Variants in AK8 observed in about 807,000 individuals in gnomAD.
AK8 encodes the protein adenylate kinase 8.
In AK8, 44 loss-of-function variants were observed where a neutral mutation model predicts 54.6. The ratio of observed to expected loss-of-function variants is 0.81; its 90% confidence interval spans 0.63 to 1.04. The LOEUF is 1.04. Among genes scored for constraint, AK8 ranks in the 50% least tolerant of loss-of-function variants. The pLI is 0.00. For synonymous variants in AK8, 239 were observed against 245.6 expected (o/e 0.97, Z 0.25); for missense variants, 555 against 613.6 (o/e 0.90, Z 1.01).
chr9:132,827,503 C>A lies in AK8; in HGVS notation c.557-449G>T, dbSNP rs146228597. On this transcript the variant is annotated intron_variant, in intron 7 of 12. Coordinates refer to ENST00000298545, the MANE Select transcript of AK8 (RefSeq NM_152572.3). ...CTCTATCTGCCACCACAGCGTGAGG[C>A]CCGGAAGATCAAGGGCAGTCCCGTC... 2.2e-3 allele frequency: 473 copies of A among 218,070 alleles called. 10 individuals carry two copies. The highest frequency in any genetic ancestry group is 4.5e-4 in the Non-Finnish European group (49 of 108,672). 13.5% of individuals were successfully genotyped at this position (218,070 alleles called of 1,614,324 possible).
intron 11 of AK8, among the ~76,000 whole-genome samples, chr9:132,731,844 G>A (rs2130941523): frequency 6.6e-6 from 1 of 152,238 alleles, no homozygotes; most frequent in South Asian, 2.1e-4. Flanking sequence ...AGGCCAGCCT[G>A]GGCAACATTG....
At chr9:132,746,255 T>G (rs1004371514) in intron 11 of AK8, among the ~76,000 whole-genome samples, 1 of 152,062 alleles carries the variant, frequency 6.6e-6, no homozygotes, top group Non-Finnish European at 1.5e-5. Flanking sequence ...CGAAACAAAT[T>G]AGAAGCCCTG....
chr9:132,832,892 G>A (rs1040800909), intron 5 of AK8, among the ~76,000 whole-genome samples: 1 of 152,180 alleles, frequency 6.6e-6, no homozygotes, highest in Non-Finnish European at 1.5e-5. Context: ...AAGGTGGGGG[G>A]CTCTGGAGTG....
intron 11 of AK8, among the ~76,000 whole-genome samples, chr9:132,745,705 T>C (rs1193735206): frequency 3.9e-5 from 6 of 152,162 alleles, no homozygotes; most frequent in Non-Finnish European, 4.4e-5. Flanking sequence ...TCACACCCTG[T>C]GTGCCCTCGA....
intron 11 of AK8, among the ~76,000 whole-genome samples, chr9:132,752,675 AATGGGCCTGGCTGTCCCTGGCCCAGGAC>A (rs67663115): frequency 0.21 from 30,813 of 147,816 alleles, 4,112 homozygotes; most frequent in African/African-American, 0.37. Context: ...GCTCTCCTGG[AATGGGCCTGGCTGTCCCTGGCCCAGGAC>A]ATGGACGCTG....
At chr9:132,838,527 G>A (rs1842415637) in intron 5 of AK8, among the ~76,000 whole-genome samples, 1 of 152,226 alleles carries the variant, frequency 6.6e-6, no homozygotes, top group Non-Finnish European at 1.5e-5. Context: ...CTGCGGACAT[G>A]GTCAAGGTTC....
chr9:132,821,140 C>A lies in AK8; in HGVS notation c.889+2065G>T, dbSNP rs932088099. ...CGCAATTTGAATTAAAAAAAAAAAACCTTTTATTGAATGAGAGTGTCTGCA... is the reference window on the plus strand; with the variant it reads ...CGCAATTTGAATTAAAAAAAAAAAAACTTTTATTGAATGAGAGTGTCTGCA... On this transcript the variant is annotated intron_variant, in intron 9 of 12. Transcript: ENST00000298545. Among the ~76,000 whole-genome samples, 4 of 151,176 alleles carry A rather than the reference C, an allele frequency of 2.6e-5. No individual in the cohort carries two copies. In the South Asian group the frequency reaches 6.3e-4, roughly 24 times the overall value.
At chr9:132,840,491 C>A (rs1319517833) in intron 5 of AK8, among the ~76,000 whole-genome samples, 3 of 151,826 alleles carry the variant, frequency 2.0e-5, no homozygotes, top group African/African-American at 7.3e-5. Context: ...GCAGCTGGCT[C>A]GGAAATTTCA....
intron 9 of AK8, among the ~76,000 whole-genome samples, chr9:132,821,257 C>T (rs1309745496): frequency 2.0e-5 from 3 of 151,882 alleles, no homozygotes; most frequent in African/African-American, 2.4e-5. Context: ...CCCTCCACCG[C>T]GAGTGCCCCT....
At position 132,825,895 on chromosome 9, in the gene AK8, G is replaced by C. The variant is rs1841848329; in HGVS notation, c.757+959C>G. 4.6e-5 allele frequency among the ~76,000 whole-genome samples: 7 copies of C among 152,240 alleles called. No individual in the cohort carries two copies. The South Asian group carries it at 1.4e-3, about 31-fold the overall frequency. On this transcript the variant is annotated intron_variant, in intron 8 of 12. Transcript: ENST00000298545. ...GTAAACGCTTCATTTACCCAACACTGTGTGGAAGGGTAATTTTGAGACGAC... is the reference window on the plus strand; with the variant it reads ...GTAAACGCTTCATTTACCCAACACTCTGTGGAAGGGTAATTTTGAGACGAC...
chr9:132,878,744 A>T, upstream of AK8: 2 of 986,398 alleles, frequency 2.0e-6, no homozygotes, highest in Non-Finnish European at 2.4e-6. This position sits in a 1 kb window ranked among gnomAD's most constrained non-coding sequence, Gnocchi z 4.7. Context: ...GATCGGGTGG[A>T]AATCCTCAGC....
Position 132,854,878 on chromosome 9 carries a change from A to G in AK8, c.381T>C (p.Ala127=), listed in dbSNP as rs767106655. The G allele has an allele frequency of 1.2e-5, 20 of 1,613,812 alleles. No homozygotes were observed. Among genetic ancestry groups the G allele is most frequent in the African/African-American group, 1.3e-5 (1 of 74,836 alleles). Reference sequence around the variant, plus strand: ...TTACCTGCTTGATGCAATCCTCTTCAGCCAGGCGTTCCTGAATCAGCTGGA... The same window carrying G: ...TTACCTGCTTGATGCAATCCTCTTCGGCCAGGCGTTCCTGAATCAGCTGGA... ...LLVQLIQERL[A]EEDCIKQGWI... is the part of the protein sequence containing the mutation. The change falls in exon 5 of 13, where the codon GCT becomes GCC. Residue 127 remains alanine, a synonymous_variant. Transcript: ENST00000298545.
rs1839477942 is a variant in AK8, at chr9:132,781,732, C to T, written c.1121+10902G>A. 6.6e-6 allele frequency among the ~76,000 whole-genome samples: 1 copy of T among 152,092 alleles called. No individual in the cohort carries two copies. The highest frequency in any genetic ancestry group is 1.9e-4 in the East Asian group (1 of 5,192). On this transcript the variant is annotated intron_variant, in intron 11 of 12. Coordinates refer to ENST00000298545, the MANE Select transcript of AK8 (RefSeq NM_152572.3). This position sits in a 1 kb window ranked among gnomAD's most constrained non-coding sequence, Gnocchi z 4.6. ...CTCCTGGTGTCAAAAACAGCAACACCACAGCTAGAGTGTTTTATAATTGGC... is the reference window on the plus strand; with the variant it reads ...CTCCTGGTGTCAAAAACAGCAACACTACAGCTAGAGTGTTTTATAATTGGC...
At chr9:132,823,985 T>A (rs566815456) in intron 8 of AK8, among the ~76,000 whole-genome samples, 2 of 152,354 alleles carry the variant, frequency 1.3e-5, no homozygotes, top group Admixed American at 1.3e-4. Context: ...TGTAGCTGCA[T>A]GGCCCTGGCC....
chr9:132,835,970 A>C (rs1043068886), intron 5 of AK8, among the ~76,000 whole-genome samples: 1 of 152,204 alleles, frequency 6.6e-6, no homozygotes, highest in East Asian at 1.9e-4. Context: ...CTAAAAATAC[A>C]AGATTAGCCA....
chr9:132,757,810 G>C (rs1404643098), intron 11 of AK8, among the ~76,000 whole-genome samples: 1 of 152,104 alleles, frequency 6.6e-6, no homozygotes, highest in South Asian at 2.1e-4. Context: ...AGCCATTCCT[G>C]AAAGAAAACA....
chr9:132,823,108 C>G lies in AK8; in HGVS notation c.889+97G>C, dbSNP rs528074520. ...AGAGAAGTGATACTGACCCTTCCCC[C>G]CCAACACCACCCCCCATAAAATGAG... On this transcript the variant is annotated intron_variant, in intron 9 of 12. Coordinates refer to ENST00000298545, the MANE Select transcript of AK8 (RefSeq NM_152572.3). 214 of 1,461,122 alleles carry G rather than the reference C, an allele frequency of 1.5e-4. 1 individual carries two copies. In the African/African-American group the frequency reaches 2.4e-3, roughly 17 times the overall value. 90.5% of individuals were successfully genotyped at this position (1,461,122 alleles called of 1,614,324 possible).
At chr9:132,863,919 G>A (rs958066864) in intron 3 of AK8, 141 bp from the exon 4 acceptor site, 23 of 657,978 alleles carry the variant, frequency 3.5e-5, no homozygotes, top group Non-Finnish European at 5.1e-5. Context: ...GCTGGAGGAC[G>A]GCCACCAAGG....
At chr9:132,727,602 G>T in intron 11 of AK8, 68 bp from the exon 12 acceptor site, 1 of 1,458,584 alleles carries the variant, frequency 6.9e-7, no homozygotes, top group East Asian at 2.4e-5. Flanking sequence ...GTGACATCCT[G>T]GGGTCTTGAG....
Sources: allele counts gnomAD v4.1 joint callset (sites outside exome capture counted in the v4.1 genomes callset), GRCh38; gene constraint gnomAD v4.1.1; non-coding constraint Gnocchi (gnomAD v3.1); transcripts MANE v1.5; gene names NCBI Gene and HGNC (gene_info 2026-07-23, HGNC 2026-07-21).